The following PET117 variants were observed in gnomAD, a reference collection of about 807,000 sequenced individuals.
PET117 encodes protein PET117 homolog, mitochondrial.
A neutral mutation model predicts 9.2 loss-of-function variants in PET117; 10 were observed. That is an observed-to-expected ratio of 1.09 (90% confidence interval 0.67 to 1.85). The LOEUF (loss-of-function observed/expected upper bound fraction) is 1.85. PET117 is among the 40% of genes most tolerant of loss of function. PET117 has a pLI of 0.00. For synonymous variants in PET117, 43 were observed against 37.1 expected, an observed-to-expected ratio of 1.16 and a Z score of -0.57; for missense variants, 96 against 98.2, an observed-to-expected ratio of 0.98 and a Z score of 0.09.
At chr20:18,138,572 C>G (rs756033988) in intron 1 of PET117, 6 of 531,688 alleles carry the variant, frequency 1.1e-5, no homozygotes, top group Non-Finnish European at 1.4e-5. Flanking sequence ...AGCCCCCCTT[C>G]CCCGTACTCA....
intron 1 of PET117, among the ~76,000 whole-genome samples, chr20:18,140,850 A>AC (rs2037519887): frequency 6.7e-6 from 1 of 149,176 alleles, no homozygotes. Flanking sequence ...ATAAAACAAA[A>AC]CAAAAAAAAC....
chr20:18,139,439 C>T (rs1047734374), intron 1 of PET117, among the ~76,000 whole-genome samples: 7 of 152,054 alleles, frequency 4.6e-5, no homozygotes, highest in African/African-American at 1.7e-4. Context: ...CAAATGTTCC[C>T]GGAAAGTTTT....
chr20:18,143,136 G>A lies in PET117; in HGVS notation c.*779G>A. On this transcript the variant is annotated 3_prime_UTR_variant, in exon 2 of 2. Coordinates refer to ENST00000432901, the MANE Select transcript of PET117 (RefSeq NM_001164811.2). ...ATCACATTGTTAAATTAACACTTTTGGTGGTAACTCAATAAAATTGAGAAA... is the reference window on the plus strand; with the variant it reads ...ATCACATTGTTAAATTAACACTTTTAGTGGTAACTCAATAAAATTGAGAAA... 7.8e-7 allele frequency: 1 copy of A among 1,283,074 alleles called. No homozygotes were observed. The highest frequency in any genetic ancestry group is 9.9e-7 in the Non-Finnish European group (1 of 1,011,426). 79.5% of individuals were successfully genotyped at this position (1,283,074 alleles called of 1,614,324 possible). A position where few individuals can be genotyped will look rare whatever the true frequency, so the allele number is the denominator to read the frequency against.
chr20:18,141,039 T>A (rs866928096), intron 1 of PET117, among the ~76,000 whole-genome samples: 9 of 24,234 alleles, frequency 3.7e-4, no homozygotes, highest in Admixed American at 2.1e-3. Flanking sequence ...TTTTTTTTTT[T>A]TTTTTTTATT....
chr20:18,139,379 G>A (rs1310521471), intron 1 of PET117, among the ~76,000 whole-genome samples: 2 of 152,194 alleles, frequency 1.3e-5, no homozygotes, highest in South Asian at 2.1e-4. Flanking sequence ...ATGTTTGAAG[G>A]GTTTGGGTAG....
intron 1 of PET117, among the ~76,000 whole-genome samples, chr20:18,141,055 T>C (rs1478456105): frequency 7.5e-6 from 1 of 132,732 alleles, no homozygotes; most frequent in African/African-American, 2.9e-5. Flanking sequence ...TTATTTTTAT[T>C]TTTGCTAGAG....
At chr20:18,138,390 G>C in intron 1 of PET117, 2 of 1,045,402 alleles carry the variant, frequency 1.9e-6, no homozygotes, top group Non-Finnish European at 2.3e-6. Flanking sequence ...AGTCACAGCC[G>C]GCCCGCAGGG....
chr20:18,138,728 A>T (rs1231703676), intron 1 of PET117, among the ~76,000 whole-genome samples: 1 of 152,162 alleles, frequency 6.6e-6, no homozygotes, highest in East Asian at 1.9e-4. Context: ...TTCAGGAAAT[A>T]TCCGTGACCT....
chr20:18,142,856 G>C lies in PET117; in HGVS notation c.*499G>C, dbSNP rs200687917. Reference sequence around the variant, plus strand: ...TTCCCTCAACAGTGATGAAGGAGACGTGTCTTGGATGGAGGAGCAGCTGTC... The same window carrying C: ...TTCCCTCAACAGTGATGAAGGAGACCTGTCTTGGATGGAGGAGCAGCTGTC... On this transcript the variant is annotated 3_prime_UTR_variant, in exon 2 of 2. Coordinates refer to ENST00000432901, the MANE Select transcript of PET117 (RefSeq NM_001164811.2). The C allele has an allele frequency of 1.2e-6, 2 of 1,614,144 alleles. No homozygotes were observed. The highest frequency in any genetic ancestry group is 4.5e-5 in the East Asian group (2 of 44,882).
chr20:18,138,256 A>G, intron 1 of PET117: 4 of 1,234,834 alleles, frequency 3.2e-6, no homozygotes, highest in South Asian at 6.8e-5. Context: ...GGGCGTGTGC[A>G]GCCCGCAGAT....
chr20:18,138,569 C>T (rs2037393059), intron 1 of PET117: 1 of 548,312 alleles, frequency 1.8e-6, no homozygotes, highest in Non-Finnish European at 2.3e-6. Context: ...GGGAGCCCCC[C>T]TTCCCCGTAC....
chr20:18,138,323 T>A lies in PET117; in HGVS notation c.96+272T>A. On this transcript the variant is annotated intron_variant, in intron 1 of 1. Transcript: ENST00000432901. ...TTTGGAGCTCCGCGCTGAAGGGGCC[T>A]TGCTCCGCACAGGCACGGCACGCAA... 2 of 1,148,180 alleles carry A rather than the reference T, an allele frequency of 1.7e-6. 1 individual carries two copies. Among genetic ancestry groups the A allele is most frequent in the East Asian group, 8.6e-5 (2 of 23,350 alleles). 71.1% of individuals were successfully genotyped at this position (1,148,180 alleles called of 1,614,324 possible). A position where few individuals can be genotyped will look rare whatever the true frequency, so the allele number is the denominator to read the frequency against.
At position 18,142,713 on chromosome 20, in the gene PET117, C is replaced by A; in HGVS notation, c.*356C>A. The A allele has an allele frequency of 6.2e-7, 1 of 1,614,154 alleles. No homozygotes were observed. Among genetic ancestry groups the A allele is most frequent in the Non-Finnish European group, 8.5e-7 (1 of 1,180,034 alleles). On this transcript the variant is annotated 3_prime_UTR_variant, in exon 2 of 2. Coordinates refer to ENST00000432901, the MANE Select transcript of PET117 (RefSeq NM_001164811.2). ...CTGATCAGTCGGCATGATGACGAAG[C>A]CACGAGAACATCGACCTCAGAAGGA... is the stretch of plus-strand genomic sequence containing the variant.
intron 1 of PET117, chr20:18,138,292 A>G: frequency 8.3e-7 from 1 of 1,203,284 alleles, no homozygotes; most frequent in Non-Finnish European, 1.0e-6. Context: ...TGCCCGGCTT[A>G]GCGCCTTTGG....
chr20:18,138,197 C>T, intron 1 of PET117, 146 bp downstream of exon 1: 3 of 1,267,054 alleles, frequency 2.4e-6, no homozygotes, highest in South Asian at 5.5e-5. Flanking sequence ...GCGTTTGCGG[C>T]TGCGGCCGGC....
intron 1 of PET117, chr20:18,138,257 G>A: frequency 1.6e-6 from 2 of 1,234,564 alleles, no homozygotes; most frequent in Non-Finnish European, 2.0e-6. Flanking sequence ...GGCGTGTGCA[G>A]CCCGCAGATT....
intron 1 of PET117, 198 bp downstream of exon 1, chr20:18,138,249 C>T: frequency 1.6e-6 from 2 of 1,237,568 alleles, no homozygotes; most frequent in Non-Finnish European, 2.0e-6. Context: ...TCCCGGCGGG[C>T]GTGTGCAGCC....
At chr20:18,141,023 A>ATTTTTTT (rs67633205) in intron 1 of PET117, among the ~76,000 whole-genome samples, 46 of 48,742 alleles carry the variant, frequency 9.4e-4, no homozygotes, top group Middle Eastern at 0.012. Context: ...ACTCCCTGCA[A>ATTTTTTT]TTTTTTTTTT....
At chr20:18,139,142 CAT>C (rs2037422105) in intron 1 of PET117, among the ~76,000 whole-genome samples, 1 of 152,090 alleles carries the variant, frequency 6.6e-6, no homozygotes, top group Non-Finnish European at 1.5e-5. Context: ...AGAGAGGAAG[CAT>C]GTGATGGTAC....
Sources: allele counts gnomAD v4.1 joint callset (sites outside exome capture counted in the v4.1 genomes callset), GRCh38; gene constraint gnomAD v4.1.1; transcripts MANE v1.5; gene names NCBI Gene and HGNC (gene_info 2026-07-23, HGNC 2026-07-21).